ACER3: variants seen among roughly 807,000 people sequenced by gnomAD.
ACER3 encodes the protein alkCDase 3.
Under a neutral mutation model 48.9 loss-of-function variants are expected in ACER3, and 16 were observed. That is an observed-to-expected ratio of 0.33 (90% confidence interval 0.22 to 0.50). The LOEUF is 0.50. Ranked by LOEUF, ACER3 falls within the 20% of genes least tolerant of loss-of-function variation. The probability of loss-of-function intolerance (pLI) is 0.98; values close to 1 mark genes in which losing one functional copy is unlikely to be tolerated. For synonymous variants in ACER3, 109 were observed against 107.8 expected (o/e 1.01, Z -0.07); for missense variants, 227 against 326.0 (o/e 0.70, Z 2.34).
intron 1 of ACER3, among the ~76,000 whole-genome samples, chr11:76,922,689 G>A (rs1946717057): frequency 6.6e-6 from 1 of 152,070 alleles, no homozygotes; most frequent in African/African-American, 2.4e-5. Context: ...TAGCTATAAG[G>A]ACAGATAGAC....
chr11:76,878,281 A>G (rs922943717), intron 1 of ACER3, among the ~76,000 whole-genome samples: 19 of 152,042 alleles, frequency 1.2e-4, no homozygotes, highest in African/African-American at 1.7e-4. Context: ...ATTACTTTCA[A>G]TGGCAAAACC....
intron 1 of ACER3, among the ~76,000 whole-genome samples, chr11:76,917,243 A>C (rs1290842258): frequency 6.6e-6 from 1 of 152,186 alleles, no homozygotes; most frequent in Non-Finnish European, 1.5e-5. Flanking sequence ...CCATCTGCAC[A>C]ATTTCCCCCT....
In ACER3 at chr11:76,976,291, A is replaced by G. The variant is rs1032797006; in HGVS notation, c.270A>G (p.Leu90=). The G allele has an allele frequency of 1.2e-6, 2 of 1,604,868 alleles. No individual in the cohort carries two copies. Among genetic ancestry groups the G allele is most frequent in the Non-Finnish European group, 8.5e-7 (1 of 1,173,852 alleles). ...TTATCTATCTTTGTTTCTTACAGCT[A>G]TTGGATGAACTCCCAATGATATACA... ...FHMTLKYEMQ[L]LDELPMIYSC... is the part of the protein sequence containing the mutation. Residue 90 remains leucine, a splice_region_variant and synonymous_variant, in exon 4 of 11, where the codon CTA becomes CTG. Coordinates refer to ENST00000532485, the MANE Select transcript of ACER3 (RefSeq NM_018367.7).
chr11:76,874,008 A>AG (rs1319615157), intron 1 of ACER3, among the ~76,000 whole-genome samples: 1 of 152,224 alleles, frequency 6.6e-6, no homozygotes, highest in Non-Finnish European at 1.5e-5. Context: ...AGTTTTAGGT[A>AG]GTGCAGAATA....
At chr11:76,884,950 C>T (rs1378390675) in intron 1 of ACER3, among the ~76,000 whole-genome samples, 2 of 151,672 alleles carry the variant, frequency 1.3e-5, no homozygotes, top group African/African-American at 4.8e-5. Flanking sequence ...ATTTTTAGTA[C>T]AGATGGGGTT....
intron 5 of ACER3, among the ~76,000 whole-genome samples, chr11:76,988,363 C>CTG (rs1371907517): frequency 1.3e-5 from 2 of 152,178 alleles, no homozygotes; most frequent in African/African-American, 2.4e-5. Context: ...ATACCCAAGA[C>CTG]TGGGTAATTT....
chr11:76,909,455 C>T (rs182728061), intron 1 of ACER3, among the ~76,000 whole-genome samples: 16,740 of 151,958 alleles, frequency 0.11, 2,852 homozygotes, highest in African/African-American at 0.37. Context: ...AAAAAGCGGG[C>T]AAAGGATGTG....
chr11:76,976,365 GTTTGA>G lies in ACER3; in HGVS notation c.320+28_320+32del, dbSNP rs775438566. On this transcript the variant is annotated intron_variant, in intron 4 of 10. Transcript: ENST00000532485. ...ATGTAAGTACTTTTAAAATTTCATT[GTTTGA>G]TTTATTTTTAAATTTATATTTACCT... 9.6e-6 allele frequency: 14 copies of G among 1,462,490 alleles called. No individual in the cohort carries two copies. The Admixed American group carries it at 1.1e-4, about 11-fold the overall frequency. 90.6% of individuals were successfully genotyped at this position (1,462,490 alleles called of 1,614,324 possible).
intron 2 of ACER3, among the ~76,000 whole-genome samples, chr11:76,933,494 A>G (rs564452766): frequency 4.4e-4 from 67 of 151,250 alleles, no homozygotes; most frequent in Admixed American, 1.2e-3. Context: ...CTTAACGAGC[A>G]TGCTGCCTTC....
chr11:77,018,155 G>A (rs1949406701), intron 9 of ACER3, among the ~76,000 whole-genome samples: 1 of 151,838 alleles, frequency 6.6e-6, no homozygotes, highest in African/African-American at 2.4e-5. Flanking sequence ...GGTCATACTG[G>A]TCCCAAACTC....
chr11:76,887,103 A>C (rs1038718695), intron 1 of ACER3, among the ~76,000 whole-genome samples: 1 of 124,892 alleles, frequency 8.0e-6, no homozygotes, highest in African/African-American at 6.2e-5. Flanking sequence ...CTGTCTCTAC[A>C]AAAAAAATAC....
intron 7 of ACER3, among the ~76,000 whole-genome samples, chr11:77,003,098 A>T (rs1160353534): frequency 6.6e-6 from 1 of 152,220 alleles, no homozygotes; most frequent in Admixed American, 6.5e-5. Flanking sequence ...ATATACTTTA[A>T]AAGGGTTAAA....
At chr11:76,931,537 G>T (rs1264297363) in intron 2 of ACER3, among the ~76,000 whole-genome samples, 5 of 152,212 alleles carry the variant, frequency 3.3e-5, no homozygotes, top group Non-Finnish European at 5.9e-5. Flanking sequence ...TTGGTCGTTA[G>T]TTGATGCAGT....
chr11:77,017,029 G>A (rs1387417726), intron 9 of ACER3, among the ~76,000 whole-genome samples: 2 of 152,002 alleles, frequency 1.3e-5, no homozygotes, highest in African/African-American at 4.8e-5. Flanking sequence ...ACTAAGAGAA[G>A]TTCACAGAAA....
chr11:76,968,061 A>G (rs1161322333), intron 3 of ACER3, among the ~76,000 whole-genome samples: 1 of 152,194 alleles, frequency 6.6e-6, no homozygotes, highest in Non-Finnish European at 1.5e-5. Context: ...TCAGCCCAAA[A>G]TCTCCTTAGG....
intron 3 of ACER3, among the ~76,000 whole-genome samples, chr11:76,964,901 G>T (rs192812017): frequency 4.6e-5 from 7 of 151,246 alleles, no homozygotes; most frequent in African/African-American, 1.7e-4. Context: ...AAATCAGAGC[G>T]CCTGTCCTCC....
At chr11:76,883,076 C>T (rs1945570589) in intron 1 of ACER3, among the ~76,000 whole-genome samples, 1 of 152,182 alleles carries the variant, frequency 6.6e-6, no homozygotes, top group South Asian at 2.1e-4. Context: ...GTGTCAGCTG[C>T]ACTTATCCCA....
At chr11:76,874,119 G>T (rs1164475402) in intron 1 of ACER3, among the ~76,000 whole-genome samples, 1 of 152,112 alleles carries the variant, frequency 6.6e-6, no homozygotes, top group Non-Finnish European at 1.5e-5. Context: ...GAAAGTCCTA[G>T]ATATTTTATT....
chr11:76,934,824 C>T lies in ACER3; in HGVS notation c.214+8157C>T, dbSNP rs147993644. Among the ~76,000 whole-genome samples, 374 of 152,052 alleles carry T rather than the reference C, an allele frequency of 2.5e-3. 2 individuals carry two copies. Among genetic ancestry groups the T allele is most frequent in the African/African-American group, 8.7e-3 (362 of 41,476 alleles). On this transcript the variant is annotated intron_variant, in intron 2 of 10. Coordinates refer to ENST00000532485, the MANE Select transcript of ACER3 (RefSeq NM_018367.7). Reference sequence around the variant, plus strand: ...AAGCCACTTAAAATCTTTACTCTCTCTATAAAATAGACCCCCCAACATGCA... The same window carrying T: ...AAGCCACTTAAAATCTTTACTCTCTTTATAAAATAGACCCCCCAACATGCA...
Sources: gnomAD v4.1 joint callset for allele counts (sites outside exome capture counted in the v4.1 genomes callset) on GRCh38, gnomAD v4.1.1 for gene constraint, MANE v1.5 for transcripts, NCBI Gene and HGNC (gene_info 2026-07-23, HGNC 2026-07-21) for gene names.